Variants in NLGN1 observed in about 807,000 individuals in gnomAD.
NLGN1 encodes neuroligin 1.
In NLGN1, 12 loss-of-function variants were observed where a neutral mutation model predicts 65.5. The observed-to-expected ratio is 0.18, with a 90% confidence interval of 0.12 to 0.30. NLGN1 has a LOEUF of 0.30. Ranked by LOEUF, NLGN1 falls within the 10% of genes least tolerant of loss-of-function variation. The pLI, the probability that NLGN1 is intolerant of heterozygous loss-of-function variation, is 1.00. For synonymous variants in NLGN1, 350 were observed against 359.5 expected, an observed-to-expected ratio of 0.97 and a Z score of 0.30; for missense variants, 750 against 1,007.1, an observed-to-expected ratio of 0.74 and a Z score of 3.46.
intron 3 of NLGN1, among the ~76,000 whole-genome samples, chr3:173,675,816 T>C (rs1763054877): frequency 6.6e-6 from 1 of 151,192 alleles, no homozygotes; most frequent in Admixed American, 6.6e-5. Flanking sequence ...TAAAAGTGCA[T>C]AGAACTGCTC....
At chr3:173,734,381 ATTTTTTTTTTTT>A (rs71162356) in intron 3 of NLGN1, among the ~76,000 whole-genome samples, 3 of 40,078 alleles carry the variant, frequency 7.5e-5, no homozygotes, top group East Asian at 2.0e-3. Context: ...GGATAATTCT[ATTTTTTTTTTTT>A]TTTTTTTTTT....
intron 4 of NLGN1, among the ~76,000 whole-genome samples, chr3:174,133,893 A>AACACACACACACACACACACACACAC (rs5854553): frequency 9.0e-5 from 13 of 144,898 alleles, no homozygotes; most frequent in Non-Finnish European, 1.7e-4. Context: ...CACCCCACAA[A>AACACACACACACACACACACACACAC]ACACACACAC....
At chr3:173,546,896 T>G (rs1156833876) in intron 2 of NLGN1, among the ~76,000 whole-genome samples, 3 of 152,164 alleles carry the variant, frequency 2.0e-5, no homozygotes, top group Non-Finnish European at 2.9e-5. Flanking sequence ...CAAATATTAT[T>G]TATAACTTAG....
chr3:173,404,612 A>G lies in NLGN1; in HGVS notation c.-390+6125A>G, dbSNP rs188162108. Among the ~76,000 whole-genome samples the G allele has an allele frequency of 3.7e-4, 57 of 152,272 alleles. No individual in the cohort carries two copies. In the East Asian group the frequency reaches 8.5e-3, roughly 23 times the overall value. On this transcript the variant is annotated intron_variant, in intron 1 of 6. Transcript: ENST00000457714. ...AGTGAAATAGAGTTTAAATAGATCTATATTGTGGTGGGCACTCCTGTGTCA... is the reference window on the plus strand; with the variant it reads ...AGTGAAATAGAGTTTAAATAGATCTGTATTGTGGTGGGCACTCCTGTGTCA...
intron 3 of NLGN1, among the ~76,000 whole-genome samples, chr3:173,693,310 T>C (rs1765740503): frequency 1.3e-5 from 2 of 152,186 alleles, no homozygotes; most frequent in East Asian, 3.9e-4. Context: ...AAATAAAATT[T>C]ACTTACCAAC....
chr3:173,550,913 TC>T (rs1281003240), intron 2 of NLGN1, among the ~76,000 whole-genome samples: 2 of 152,184 alleles, frequency 1.3e-5, no homozygotes, highest in Non-Finnish European at 2.9e-5. Flanking sequence ...TAAATATTCT[TC>T]CGATTTTTCT....
intron 4 of NLGN1, among the ~76,000 whole-genome samples, chr3:173,940,645 C>T (rs758354560): frequency 2.0e-5 from 3 of 152,166 alleles, no homozygotes; most frequent in Non-Finnish European, 4.4e-5. Context: ...CATCTGAGAA[C>T]ATTTGCACAT....
At chr3:173,778,484 C>G (rs998960747) in intron 3 of NLGN1, among the ~76,000 whole-genome samples, 2 of 151,704 alleles carry the variant, frequency 1.3e-5, no homozygotes, top group Non-Finnish European at 1.5e-5. Flanking sequence ...AGAGGAAAAC[C>G]AATAAACTTG....
At chr3:173,957,883 G>C (rs554081465) in intron 4 of NLGN1, among the ~76,000 whole-genome samples, 97 of 152,298 alleles carry the variant, frequency 6.4e-4, no homozygotes, top group African/African-American at 2.2e-3. Context: ...TACTGGCCTG[G>C]ATCCCACACC....
intron 2 of NLGN1, among the ~76,000 whole-genome samples, chr3:173,576,628 C>G (rs1355883172): frequency 6.6e-6 from 1 of 152,096 alleles, no homozygotes; most frequent in Non-Finnish European, 1.5e-5. Flanking sequence ...CCCCTGAACC[C>G]TCTGCCTTCC....
intron 4 of NLGN1, among the ~76,000 whole-genome samples, chr3:173,831,569 C>A (rs1400463114): frequency 6.6e-6 from 1 of 152,132 alleles, no homozygotes; most frequent in Non-Finnish European, 1.5e-5. Context: ...ATAGTATAAA[C>A]ATCTTGATTA....
At chr3:173,946,970 G>T (rs1436723567) in intron 4 of NLGN1, among the ~76,000 whole-genome samples, 3 of 152,066 alleles carry the variant, frequency 2.0e-5, no homozygotes, top group African/African-American at 7.2e-5. Context: ...CATGTGGACT[G>T]GGAATTGCCT....
intron 4 of NLGN1, among the ~76,000 whole-genome samples, chr3:173,829,418 A>G (rs1722013977): frequency 6.6e-6 from 1 of 152,258 alleles, no homozygotes; most frequent in Admixed American, 6.5e-5. Context: ...TATTTAATTG[A>G]TAAATAAAAA....
At chr3:174,022,293 T>G (rs886668565) in intron 4 of NLGN1, among the ~76,000 whole-genome samples, 3 of 152,146 alleles carry the variant, frequency 2.0e-5, no homozygotes, top group Non-Finnish European at 2.9e-5. Context: ...GAGTTGAAAT[T>G]TAGCATATTT....
At chr3:173,412,167 T>G (rs1006548223) in intron 1 of NLGN1, among the ~76,000 whole-genome samples, 2 of 152,224 alleles carry the variant, frequency 1.3e-5, no homozygotes, top group African/African-American at 4.8e-5. Context: ...TGCAGAATAC[T>G]ATTAGCAAGT....
chr3:173,920,153 C>A (rs558957287), intron 4 of NLGN1, among the ~76,000 whole-genome samples: 1 of 151,696 alleles, frequency 6.6e-6, no homozygotes, highest in Non-Finnish European at 1.5e-5. Context: ...TCTGAGGCCA[C>A]TTATTTGAGA....
chr3:173,708,396 C>G (rs1256834636), intron 3 of NLGN1, among the ~76,000 whole-genome samples: 5 of 152,114 alleles, frequency 3.3e-5, no homozygotes, highest in African/African-American at 1.2e-4. Flanking sequence ...TGCTCCACCT[C>G]TAGGTAGTCA....
chr3:173,606,695 G>A (rs1462951413), intron 3 of NLGN1, among the ~76,000 whole-genome samples: 1 of 151,960 alleles, frequency 6.6e-6, no homozygotes, highest in East Asian at 1.9e-4. Flanking sequence ...GCATTAAATT[G>A]AGGGTTTTTT....
intron 4 of NLGN1, among the ~76,000 whole-genome samples, chr3:174,004,225 C>A (rs963384631): frequency 6.6e-6 from 1 of 152,084 alleles, no homozygotes; most frequent in African/African-American, 2.4e-5. Context: ...TAGTTAGAAT[C>A]ATTTAAAAAT....
Sources: allele counts gnomAD v4.1 joint callset (sites outside exome capture counted in the v4.1 genomes callset), GRCh38; gene constraint gnomAD v4.1.1; transcripts MANE v1.5; gene names NCBI Gene and HGNC (gene_info 2026-07-23, HGNC 2026-07-21).